Variants in CNKSR2 observed in about 807,000 individuals in gnomAD.
The protein encoded by CNKSR2 is connector enhancer of kinase suppressor of Ras 2.
A neutral mutation model predicts 84.4 loss-of-function variants in CNKSR2; 14 were observed. That is an observed-to-expected ratio of 0.17 (90% CI 0.11 to 0.26). The LOEUF (loss-of-function observed/expected upper bound fraction) is 0.26. Among genes scored for constraint, CNKSR2 ranks in the 10% least tolerant of loss-of-function variants. The pLI is 1.00. For missense variants in CNKSR2, 485 were observed against 771.2 expected, an observed-to-expected ratio of 0.63 and a Z score of 4.40; for synonymous variants, 275 against 277.9, an observed-to-expected ratio of 0.99 and a Z score of 0.10.
intron 1 of CNKSR2, among the ~76,000 whole-genome samples, chrX:21,410,064 G>GTA (rs1157263372): frequency 9.4e-6 from 1 of 106,058 alleles, no homozygotes; most frequent in Non-Finnish European, 1.9e-5. Flanking sequence ...GTGTGTGTGT[G>GTA]TATAACCAAT....
intron 1 of CNKSR2, 159 bp from the exon 2 acceptor site, chrX:21,426,338 A>G (rs778669335): frequency 1.1e-5 from 5 of 447,281 alleles, no homozygotes; most frequent in Non-Finnish European, 1.9e-5. Context: ...ACTGTAGCCC[A>G]TATGTAGGTT....
intron 13 of CNKSR2, among the ~76,000 whole-genome samples, chrX:21,565,915 A>C (rs2092233726): frequency 9.0e-6 from 1 of 111,409 alleles, no homozygotes; most frequent in Non-Finnish European, 1.9e-5. Flanking sequence ...ATTTGCAAAT[A>C]ACAAAACTCA....
chrX:21,456,282 A>G (rs892199947), intron 4 of CNKSR2, among the ~76,000 whole-genome samples: 2 of 111,533 alleles, frequency 1.8e-5, no homozygotes, highest in Non-Finnish European at 3.8e-5. Context: ...ATACATTATT[A>G]TTGACTACTG....
At chrX:21,410,686 T>A (rs942363692) in intron 1 of CNKSR2, among the ~76,000 whole-genome samples, 4 of 111,530 alleles carry the variant, frequency 3.6e-5, no homozygotes, top group Admixed American at 9.6e-5. Context: ...AAAGTAATGA[T>A]AGTTTAGTGA....
chrX:21,476,215 A>G (rs754513401), intron 5 of CNKSR2, among the ~76,000 whole-genome samples: 10 of 111,363 alleles, frequency 9.0e-5, no homozygotes, highest in African/African-American at 3.3e-4. Context: ...AAAAGATATT[A>G]CCTGTATTAA....
chrX:21,616,335 A>C (rs1045917731), intron 20 of CNKSR2, among the ~76,000 whole-genome samples: 2 of 112,182 alleles, frequency 1.8e-5, no homozygotes, highest in African/African-American at 3.2e-5. Flanking sequence ...ATAGTAGCCC[A>C]GGCACTATTG....
intron 12 of CNKSR2, among the ~76,000 whole-genome samples, chrX:21,563,022 A>G (rs2092205568): frequency 8.9e-6 from 1 of 111,761 alleles, no homozygotes; most frequent in Non-Finnish European, 1.9e-5. Flanking sequence ...ATTAAGATAT[A>G]CTGTATTTCA....
At chrX:21,519,254 C>T (rs937021763) in intron 9 of CNKSR2, among the ~76,000 whole-genome samples, 1 of 110,763 alleles carries the variant, frequency 9.0e-6, no homozygotes, top group Non-Finnish European at 1.9e-5. Context: ...GAAAACTAGT[C>T]AAAATTTTTA....
rs148033900 is a variant in CNKSR2, at chrX:21,570,706, G to C, written c.1608+7254G>C. ...AGGCCATCGTAGGGTTAATTAATTG[G>C]CCTAATTTTAATACTGTTGTTTCTC... On this transcript the variant is annotated intron_variant, in intron 13 of 21. Transcript: ENST00000379510. Among the ~76,000 whole-genome samples the C allele has an allele frequency of 8.4e-3, 945 of 112,024 alleles. 6 individuals carry two copies. The highest frequency in any genetic ancestry group is 0.028 in the African/African-American group (850 of 30,838).
At chrX:21,456,228 A>G (rs1292554639) in intron 4 of CNKSR2, among the ~76,000 whole-genome samples, 1 of 111,561 alleles carries the variant, frequency 9.0e-6, no homozygotes, top group Non-Finnish European at 1.9e-5. Context: ...TCTGTGAGGT[A>G]AGAGCACTTG....
intron 19 of CNKSR2, chrX:21,608,179 C>G (rs2092528854): frequency 9.0e-6 from 1 of 110,774 alleles, no homozygotes; most frequent in Non-Finnish European, 1.9e-5. Flanking sequence ...CCTCCTTTAC[C>G]AGGAGGAGTG....
intron 8 of CNKSR2, chrX:21,503,388 C>G (rs2091579038): frequency 3.4e-6 from 1 of 292,144 alleles, no homozygotes; most frequent in African/African-American, 2.7e-5. Context: ...ATAACCATAG[C>G]TAACACTTAT....
chrX:21,448,453 CAAG>C (rs1207594679), intron 4 of CNKSR2, among the ~76,000 whole-genome samples: 1 of 111,602 alleles, frequency 9.0e-6, no homozygotes, highest in African/African-American at 3.3e-5. Context: ...GTTAGTAAAA[CAAG>C]AAGCAATAAT....
chrX:21,423,179 A>G (rs1190757399), intron 1 of CNKSR2: 1 of 111,620 alleles, frequency 9.0e-6, no homozygotes, highest in Non-Finnish European at 1.9e-5. Flanking sequence ...TTGGTATGGT[A>G]CAAACAAACA....
intron 20 of CNKSR2, among the ~76,000 whole-genome samples, chrX:21,621,606 C>T (rs1243417235): frequency 1.8e-5 from 2 of 111,025 alleles, no homozygotes; most frequent in Admixed American, 9.6e-5. Context: ...AAATTTTAAA[C>T]TTTTTGTGTT....
chrX:21,379,513 G>A (rs2089867675), intron 1 of CNKSR2, among the ~76,000 whole-genome samples: 1 of 112,118 alleles, frequency 8.9e-6, no homozygotes, highest in African/African-American at 3.2e-5. Context: ...TTTTCCATAT[G>A]TAGAATTTCG....
chrX:21,511,605 TG>T (rs2091671849), intron 8 of CNKSR2, among the ~76,000 whole-genome samples: 1 of 110,290 alleles, frequency 9.1e-6, no homozygotes, highest in Admixed American at 9.7e-5. Context: ...ATTTTATAAG[TG>T]AGAGAAAAAT....
chrX:21,481,067 T>C (rs763426181), intron 5 of CNKSR2, among the ~76,000 whole-genome samples: 1 of 111,988 alleles, frequency 8.9e-6, no homozygotes, highest in Non-Finnish European at 1.9e-5. Flanking sequence ...ATAATAGCAG[T>C]ATTTCCTTCT....
intron 12 of CNKSR2, 132 bp from the exon 13 acceptor site, chrX:21,563,106 G>A (rs997434425): frequency 2.8e-5 from 13 of 460,376 alleles, no homozygotes; most frequent in Non-Finnish European, 4.0e-5. Context: ...AAGTAATTGC[G>A]GTTCTTGCAA....
Sources: allele counts gnomAD v4.1 joint callset (sites outside exome capture counted in the v4.1 genomes callset), GRCh38; gene constraint gnomAD v4.1.1; transcripts MANE v1.5; gene names NCBI Gene and HGNC (gene_info 2026-07-23, HGNC 2026-07-21).